Variants in XYLT1 observed in about 807,000 individuals in gnomAD.
XYLT1 encodes beta-D-xylosyltransferase 1.
XYLT1 carries 36 observed loss-of-function variants against 91.3 expected under a neutral mutation model. The observed-to-expected ratio is 0.39, with a 90% confidence interval of 0.30 to 0.52. The LOEUF is 0.52. Ranked by LOEUF, XYLT1 falls within the 20% of genes least tolerant of loss-of-function variation. XYLT1 has a pLI of 0.68. For synonymous variants in XYLT1, 588 were observed against 532.0 expected, an observed-to-expected ratio of 1.11 and a Z score of -1.45; for missense variants, 1,242 against 1,284.5, an observed-to-expected ratio of 0.97 and a Z score of 0.51.
chr16:17,421,374 C>T (rs1430279338), intron 1 of XYLT1, among the ~76,000 whole-genome samples: 1 of 152,194 alleles, frequency 6.6e-6, no homozygotes, highest in Non-Finnish European at 1.5e-5. Context: ...CACCCCCATC[C>T]CTTCAAGAGG....
At chr16:17,194,568 T>C (rs550466780) in intron 5 of XYLT1, among the ~76,000 whole-genome samples, 60 of 152,332 alleles carry the variant, frequency 3.9e-4, no homozygotes, top group Non-Finnish European at 6.0e-4. Flanking sequence ...AGGACCATCC[T>C]GGACATCCCT....
At chr16:17,164,993 G>C (rs187092975) in intron 5 of XYLT1, among the ~76,000 whole-genome samples, 1 of 152,296 alleles carries the variant, frequency 6.6e-6, no homozygotes, top group Non-Finnish European at 1.5e-5. Flanking sequence ...CACAGGAGAA[G>C]TGCACACTCC....
intron 2 of XYLT1, among the ~76,000 whole-genome samples, chr16:17,313,884 T>A (rs906577712): frequency 2.0e-5 from 3 of 151,964 alleles, no homozygotes; most frequent in Non-Finnish European, 1.5e-5. Flanking sequence ...AGAATGGGAA[T>A]AAGGGGATAT....
At chr16:17,402,706 A>G (rs1019833683) in intron 1 of XYLT1, among the ~76,000 whole-genome samples, 7 of 147,536 alleles carry the variant, frequency 4.7e-5, no homozygotes, top group African/African-American at 1.2e-4. Context: ...TTCTACATAC[A>G]TGGGTGTTTG....
intron 3 of XYLT1, among the ~76,000 whole-genome samples, chr16:17,206,807 T>G (rs143530786): frequency 1.3e-5 from 2 of 152,260 alleles, no homozygotes; most frequent in Admixed American, 6.5e-5. Context: ...GATCTCATTA[T>G]TTAATTGTCC....
rs944384862 is a variant in XYLT1 at position 17,241,064 on chromosome 16, A to G, written c.913+17924T>C. Among the ~76,000 whole-genome samples, 4 of 152,326 alleles carry G rather than the reference A, an allele frequency of 2.6e-5. No homozygotes were observed. In the East Asian group the frequency reaches 7.7e-4, roughly 29 times the overall value. ...GACACCCCTCTGCCACCCCGGAGAG[A>G]AACCTCATAGGATTCCAGACGCATA... On this transcript the variant is annotated intron_variant, in intron 3 of 11. Coordinates refer to ENST00000261381, the MANE Select transcript of XYLT1 (RefSeq NM_022166.4).
intron 4 of XYLT1, among the ~76,000 whole-genome samples, chr16:17,198,687 C>A (rs1183497719): frequency 6.6e-6 from 1 of 152,112 alleles, no homozygotes; most frequent in Non-Finnish European, 1.5e-5. Flanking sequence ...GCTGGTGGTG[C>A]CTGGGACTTC....
intron 5 of XYLT1, among the ~76,000 whole-genome samples, chr16:17,173,423 C>T (rs1468883818): frequency 6.6e-6 from 1 of 152,254 alleles, no homozygotes; most frequent in African/African-American, 2.4e-5. Flanking sequence ...GGATTAGCTT[C>T]CCTCTATGCA....
chr16:17,124,811 T>G (rs1158981228), intron 10 of XYLT1, among the ~76,000 whole-genome samples: 2 of 152,166 alleles, frequency 1.3e-5, no homozygotes, highest in African/African-American at 4.8e-5. Context: ...TTTTTTGTGT[T>G]TGTTGGAGTG....
At position 17,209,967 on chromosome 16, in the gene XYLT1, C is replaced by T. The variant is rs184064869; in HGVS notation, c.914-9313G>A. Among the ~76,000 whole-genome samples, 6 of 152,294 alleles carry T rather than the reference C, an allele frequency of 3.9e-5. No individual in the cohort carries two copies. The East Asian group carries it at 9.6e-4, about 24-fold the overall frequency. ...CTGGAGTGCAGTGGTGTGATCATGG[C>T]TCACTGCAGTCTCAAACTCCAGGCT... On this transcript the variant is annotated intron_variant, in intron 3 of 11. Coordinates refer to ENST00000261381, the MANE Select transcript of XYLT1 (RefSeq NM_022166.4).
chr16:17,165,242 A>C (rs1326074722), intron 5 of XYLT1, among the ~76,000 whole-genome samples: 4 of 152,224 alleles, frequency 2.6e-5, no homozygotes, highest in African/African-American at 9.6e-5. Context: ...CCTAAGAGGT[A>C]GATGCTATTA....
intron 2 of XYLT1, among the ~76,000 whole-genome samples, chr16:17,323,872 C>T (rs1409817769): frequency 3.3e-5 from 5 of 152,270 alleles, no homozygotes; most frequent in East Asian, 3.9e-4. Flanking sequence ...CAGAAAGTTC[C>T]GAAGCGCAGA....
At chr16:17,205,262 A>G (rs1297440458) in intron 3 of XYLT1, among the ~76,000 whole-genome samples, 1 of 152,234 alleles carries the variant, frequency 6.6e-6, no homozygotes, top group Non-Finnish European at 1.5e-5. Flanking sequence ...TCAAACGAGG[A>G]CTATGTAATC....
intron 3 of XYLT1, among the ~76,000 whole-genome samples, chr16:17,255,262 G>A (rs2141753635): frequency 6.6e-6 from 1 of 152,172 alleles, no homozygotes; most frequent in East Asian, 1.9e-4. Context: ...GTCTCCCAAA[G>A]TGCTGGGATT....
intron 2 of XYLT1, among the ~76,000 whole-genome samples, chr16:17,291,766 G>T (rs547182478): frequency 1.3e-5 from 2 of 152,238 alleles, no homozygotes; most frequent in South Asian, 4.2e-4. Flanking sequence ...CCTGCTGTTC[G>T]GTGTTACAAA....
intron 2 of XYLT1, among the ~76,000 whole-genome samples, chr16:17,353,711 CTAT>C (rs2035252017): frequency 1.2e-5 from 1 of 80,938 alleles, no homozygotes; most frequent in Non-Finnish European, 2.4e-5. Flanking sequence ...TAGGCACTGT[CTAT>C]CTGTCCGTCT....
intron 1 of XYLT1, among the ~76,000 whole-genome samples, chr16:17,466,698 A>T (rs151254547): frequency 1.3e-5 from 2 of 152,400 alleles, no homozygotes; most frequent in African/African-American, 4.8e-5. Flanking sequence ...ATACATAGAT[A>T]TATTAGAATT....
At position 17,457,197 on chromosome 16, in the gene XYLT1, T is replaced by A. The variant is rs546515093; in HGVS notation, c.363+13237A>T. ...CTAATTCAAGTTTTGATTTTTAAAA[T>A]TTACCTTTTCTTTAAGAAAGGAGGA... On this transcript the variant is annotated intron_variant, in intron 1 of 11. Transcript: ENST00000261381. Among the ~76,000 whole-genome samples, 7 of 152,324 alleles carry A rather than the reference T, an allele frequency of 4.6e-5. No homozygotes were observed. In the South Asian group the frequency reaches 1.5e-3, roughly 32 times the overall value.
At chr16:17,141,476 G>A in intron 6 of XYLT1, 107 bp from the exon 7 acceptor site, 1 of 1,105,896 alleles carries the variant, frequency 9.0e-7, no homozygotes, top group South Asian at 1.5e-5. Flanking sequence ...CAATTATTGA[G>A]TGCCTGCTGT....
Sources: allele counts gnomAD v4.1 joint callset (sites outside exome capture counted in the v4.1 genomes callset), GRCh38; gene constraint gnomAD v4.1.1; transcripts MANE v1.5; gene names NCBI Gene and HGNC (gene_info 2026-07-23, HGNC 2026-07-21).